Variants in ARMH4 observed in about 807,000 individuals in gnomAD.
ARMH4 encodes armadillo-like helical domain-containing protein 4.
Under a neutral mutation model 61.9 loss-of-function variants are expected in ARMH4, and 49 were observed. That is an observed-to-expected ratio of 0.79 (90% CI 0.63 to 1.00). The LOEUF is 1.00. ARMH4 is among the 50% of genes least tolerant of loss of function. ARMH4 has a pLI of 0.00. For missense variants in ARMH4, 934 were observed against 930.0 expected (o/e 1.00, Z -0.06); for synonymous variants, 368 against 341.5 (o/e 1.08, Z -0.85).
At chr14:58,121,461 GA>G (rs1886720508) in intron 4 of ARMH4, among the ~76,000 whole-genome samples, 1 of 152,178 alleles carries the variant, frequency 6.6e-6, no homozygotes, top group African/African-American at 2.4e-5. Flanking sequence ...AAGCATACCA[GA>G]AAAACGAGAG....
chr14:58,076,912 C>T (rs899855222), intron 5 of ARMH4, among the ~76,000 whole-genome samples: 1 of 152,214 alleles, frequency 6.6e-6, no homozygotes, highest in Non-Finnish European at 1.5e-5. Flanking sequence ...CCCCTCATTC[C>T]TCCCATCGGG....
chr14:58,147,130 G>T (rs1887757997), intron 1 of ARMH4, among the ~76,000 whole-genome samples: 1 of 151,786 alleles, frequency 6.6e-6, no homozygotes, highest in African/African-American at 2.4e-5. Flanking sequence ...TCTGAACTTT[G>T]GTGGCCACCT....
intron 4 of ARMH4, among the ~76,000 whole-genome samples, chr14:58,123,598 A>T (rs1886801084): frequency 6.6e-6 from 1 of 152,166 alleles, no homozygotes; most frequent in East Asian, 1.9e-4. Flanking sequence ...CTGCTTTCCC[A>T]AATACCAGAG....
chr14:58,120,188 G>A (rs1886676720), intron 4 of ARMH4, among the ~76,000 whole-genome samples: 3 of 152,078 alleles, frequency 2.0e-5, no homozygotes, highest in Admixed American at 2.0e-4. Context: ...TAACACAATG[G>A]TAAGTATTTG....
intron 4 of ARMH4, 97 bp downstream of exon 4, chr14:58,131,414 CA>C: frequency 2.1e-6 from 2 of 966,920 alleles, no homozygotes; most frequent in Non-Finnish European, 1.6e-6. Context: ...ATCTATACTG[CA>C]GATTGAATAT....
chr14:58,113,327 T>C (rs1886414937), intron 4 of ARMH4, among the ~76,000 whole-genome samples: 1 of 152,212 alleles, frequency 6.6e-6, no homozygotes, highest in Non-Finnish European at 1.5e-5. Flanking sequence ...TAGTTTTCCA[T>C]TGTATTAACA....
intron 5 of ARMH4, among the ~76,000 whole-genome samples, chr14:58,032,395 G>A (rs947666995): frequency 6.6e-6 from 1 of 152,170 alleles, no homozygotes; most frequent in Non-Finnish European, 1.5e-5. Context: ...CTATCTACAG[G>A]AGGGCTTCCT....
intron 6 of ARMH4, among the ~76,000 whole-genome samples, chr14:58,009,338 T>G (rs754188090): frequency 4.6e-5 from 7 of 152,240 alleles, no homozygotes; most frequent in Non-Finnish European, 7.4e-5. Flanking sequence ...AGCCTCCCCC[T>G]TTTTCCTCCT....
rs533313359 is a variant in ARMH4, at chr14:58,047,874, A to G, written c.2090-35724T>C. Among the ~76,000 whole-genome samples the G allele has an allele frequency of 5.9e-5, 9 of 152,260 alleles. No individual in the cohort carries two copies. In the South Asian group the frequency reaches 1.9e-3, roughly 32 times the overall value. On this transcript the variant is annotated intron_variant, in intron 5 of 7. Coordinates refer to ENST00000267485, the MANE Select transcript of ARMH4 (RefSeq NM_001001872.4). The stretch of plus-strand genomic sequence containing the variant: ...TCATAAGTCAAGCAAACCACCAAAT[A>G]AGCATCCACCCAGAAAAGCCAGGTA...
At chr14:58,110,341 G>A (rs552714735) in intron 4 of ARMH4, among the ~76,000 whole-genome samples, 29 of 152,216 alleles carry the variant, frequency 1.9e-4, no homozygotes, top group African/African-American at 6.5e-4. Flanking sequence ...TGCTGAGAAC[G>A]TTTAACATCC....
intron 5 of ARMH4, among the ~76,000 whole-genome samples, chr14:58,026,543 C>CT (rs1400118626): frequency 2.6e-5 from 4 of 152,022 alleles, no homozygotes; most frequent in Non-Finnish European, 5.9e-5. Flanking sequence ...GGCCTTCATA[C>CT]TTTATTTTTA....
chr14:58,060,259 C>T lies in ARMH4; in HGVS notation c.2089+36465G>A, dbSNP rs113165654. On this transcript the variant is annotated intron_variant, in intron 5 of 7. Coordinates refer to ENST00000267485, the MANE Select transcript of ARMH4 (RefSeq NM_001001872.4). Reference sequence around the variant, plus strand: ...CATCTCTAGACTCTCCTAAACAAGGCAGCATTAATGAGTCAGCTTTGCTGT... The same window carrying T: ...CATCTCTAGACTCTCCTAAACAAGGTAGCATTAATGAGTCAGCTTTGCTGT... Among the ~76,000 whole-genome samples the T allele has an allele frequency of 2.3e-3, 343 of 152,258 alleles. 2 individuals carry two copies. Among genetic ancestry groups the T allele is most frequent in the African/African-American group, 8.0e-3 (332 of 41,548 alleles).
At chr14:58,059,743 T>G (rs1306346102) in intron 5 of ARMH4, among the ~76,000 whole-genome samples, 1 of 152,232 alleles carries the variant, frequency 6.6e-6, no homozygotes, top group Admixed American at 6.5e-5. Context: ...TGGACTTTGA[T>G]CAGAGCCAGT....
rs1176499949 is a variant in ARMH4, at chr14:58,045,525, T to C, written c.2090-33375A>G. Reference sequence around the variant, plus strand: ...ATACCTAATGTAAATGACGAGTTAATGGGTGCGGCACACCAACATGGCACA... The same window carrying C: ...ATACCTAATGTAAATGACGAGTTAACGGGTGCGGCACACCAACATGGCACA... On this transcript the variant is annotated intron_variant, in intron 5 of 7. Transcript: ENST00000267485. 1.1e-4 allele frequency among the ~76,000 whole-genome samples: 16 copies of C among 151,802 alleles called. No individual in the cohort carries two copies. The East Asian group carries it at 3.1e-3, about 29-fold the overall frequency.
chr14:58,116,456 C>A, intron 4 of ARMH4: 1 of 353,040 alleles, frequency 2.8e-6, no homozygotes, highest in Admixed American at 2.8e-5. Flanking sequence ...AGGCAGACTT[C>A]TTAAGCCCAG....
chr14:58,021,184 TCTGG>T (rs1239781458), intron 5 of ARMH4, among the ~76,000 whole-genome samples: 2 of 152,188 alleles, frequency 1.3e-5, no homozygotes, highest in African/African-American at 4.8e-5. Flanking sequence ...TGCGATACGG[TCTGG>T]CTGTGTCCTC....
chr14:58,139,334 T>C lies in ARMH4; in HGVS notation c.25A>G (p.Ile9Val), dbSNP rs1270251894. The C allele has an allele frequency of 6.2e-7, 1 of 1,614,132 alleles. No individual in the cohort carries two copies. Among genetic ancestry groups the C allele is most frequent in the Non-Finnish European group, 8.5e-7 (1 of 1,180,024 alleles). The part of the protein sequence containing the change: MRGPIVLH[I>V]CLAFCSLLLF... Reference sequence around the variant, plus strand: ...AGAAGGCTACAGAAAGCCAGACAAATGTGCAATACAATCGGTCCTCTCATA... The same window carrying C: ...AGAAGGCTACAGAAAGCCAGACAAACGTGCAATACAATCGGTCCTCTCATA... Residue 9 changes from isoleucine to valine, a missense_variant, in exon 2 of 8, where the codon ATT (isoleucine) becomes GTT (valine). Coordinates refer to ENST00000267485, the MANE Select transcript of ARMH4 (RefSeq NM_001001872.4).
At position 58,139,018 on chromosome 14, in the gene ARMH4, G is replaced by A. The variant is rs954720083; in HGVS notation, c.341C>T (p.Pro114Leu). 2.5e-6 allele frequency: 4 copies of A among 1,614,110 alleles called. No homozygotes were observed. The highest frequency in any genetic ancestry group is 3.3e-5 in the Admixed American group (2 of 60,008). Residue 114 changes from proline to leucine, a missense_variant, in exon 2 of 8, where the codon CCT becomes CTT. Coordinates refer to ENST00000267485, the MANE Select transcript of ARMH4 (RefSeq NM_001001872.4). The part of the protein sequence containing the change: ...MQTERPGVST[P>L]TESGVPSAEE... ...AGCTGAGGGGACACCTGACTCAGTA[G>A]GTGTGGAAACACCAGGGCGTTCTGT...
chr14:58,122,457 T>C (rs1450261315), intron 4 of ARMH4, among the ~76,000 whole-genome samples: 3 of 152,158 alleles, frequency 2.0e-5, no homozygotes, highest in Non-Finnish European at 4.4e-5. Context: ...GAAGGCCAAC[T>C]AATCTTAAAG....
Sources: allele counts gnomAD v4.1 joint callset (sites outside exome capture counted in the v4.1 genomes callset), GRCh38; gene constraint gnomAD v4.1.1; transcripts MANE v1.5; gene names NCBI Gene and HGNC (gene_info 2026-07-23, HGNC 2026-07-21).